The following LRRIQ1 variants were observed in gnomAD, a reference collection of about 807,000 sequenced individuals.
LRRIQ1 encodes leucine-rich repeat- and IQ domain-containing protein 1.
Under a neutral mutation model 211.9 loss-of-function variants are expected in LRRIQ1, and 210 were observed. The ratio of observed to expected loss-of-function variants is 0.99; its 90% CI spans 0.89 to 1.11. The LOEUF is 1.11. Among genes scored for constraint, LRRIQ1 ranks in the 50% most tolerant of loss-of-function variants. The pLI is 0.00. For missense variants in LRRIQ1, 2,136 were observed against 1,939.5 expected (o/e 1.10, Z -1.90); for synonymous variants, 699 against 650.1 (o/e 1.08, Z -1.14).
chr12:85,234,195 C>T (rs2137212775), intron 26 of LRRIQ1, among the ~76,000 whole-genome samples: 1 of 152,198 alleles, frequency 6.6e-6, no homozygotes, highest in Non-Finnish European at 1.5e-5. Flanking sequence ...TGAGATTGCA[C>T]AACTGTACTC....
At chr12:85,099,453 T>A (rs1218765860) in intron 13 of LRRIQ1, among the ~76,000 whole-genome samples, 3 of 151,830 alleles carry the variant, frequency 2.0e-5, no homozygotes, top group African/African-American at 7.2e-5. Flanking sequence ...TTGTTTTCCC[T>A]AAGGATATAA....
At chr12:85,237,315 G>A (rs931954263) in intron 26 of LRRIQ1, among the ~76,000 whole-genome samples, 1 of 152,012 alleles carries the variant, frequency 6.6e-6, no homozygotes, top group African/African-American at 2.4e-5. Context: ...AACACTTTCT[G>A]GACTACAGCA....
At position 85,047,295 on chromosome 12, in the gene LRRIQ1, G is replaced by T; in HGVS notation, c.503G>T (p.Arg168Ile). 8.7e-6 allele frequency: 14 copies of T among 1,607,596 alleles called. No homozygotes were observed. Among genetic ancestry groups the T allele is most frequent in the Non-Finnish European group, 1.2e-5 (14 of 1,178,376 alleles). The change falls in exon 6 of 27, where the codon AGA (arginine) becomes ATA (isoleucine). Residue 168 changes from arginine (R) to isoleucine (I), a missense_variant. Physicochemically the swap from Arg to Ile is moderately conservative, Grantham distance 97. Coordinates refer to ENST00000393217, the MANE Select transcript of LRRIQ1 (RefSeq NM_001079910.2). ...TACTGTGAAGTGGAAGAAAAATGTA[G>T]ACAGTCTTTTGAGGCTTGGCAAGAG... ...FGYCEVEEKC[R>I]QSFEAWQEKQ...
rs1890076499 is a variant in LRRIQ1 at position 85,149,108 on chromosome 12, C to T, written c.4330-3172C>T. 2.6e-5 allele frequency among the ~76,000 whole-genome samples: 4 copies of T among 151,950 alleles called. No homozygotes were observed. The South Asian group carries it at 6.2e-4, about 24-fold the overall frequency. ...TCTGCCATTCTGTAGGTTGCCTGTT[C>T]ACTCTGATGATAGTTTCTTTTGCTG... On this transcript the variant is annotated intron_variant, in intron 19 of 26. Transcript: ENST00000393217.
chr12:85,103,326 C>A (rs1277009043), intron 13 of LRRIQ1, among the ~76,000 whole-genome samples: 4 of 151,106 alleles, frequency 2.6e-5, no homozygotes. Flanking sequence ...GTGTTTTGGC[C>A]AAGTTTAAGT....
At chr12:85,071,028 T>C (rs902085484) in intron 10 of LRRIQ1, among the ~76,000 whole-genome samples, 1 of 151,994 alleles carries the variant, frequency 6.6e-6, no homozygotes, top group African/African-American at 2.4e-5. Flanking sequence ...TAAATTAATT[T>C]GATAAATTAA....
At chr12:85,145,025 T>C (rs1043398317) in intron 19 of LRRIQ1, among the ~76,000 whole-genome samples, 5 of 151,708 alleles carry the variant, frequency 3.3e-5, no homozygotes, top group Admixed American at 6.6e-5. Flanking sequence ...CTTTTTTCAC[T>C]GATTTAGTTG....
At position 85,047,542 on chromosome 12, in the gene LRRIQ1, G is replaced by A. The variant is rs73180553; in HGVS notation, c.678+72G>A. On this transcript the variant is annotated intron_variant, in intron 6 of 26. Transcript: ENST00000393217. The stretch of plus-strand genomic sequence containing the variant: ...TCTGAAGAATATTGATATTTGGATT[G>A]TGTTGCAGATTGAGCTTAATAGTAT... 5 of 1,308,066 alleles carry A rather than the reference G, an allele frequency of 3.8e-6. No homozygotes were observed. The South Asian group carries it at 5.1e-5, about 13-fold the overall frequency. The allele number at this position is 1,308,066 out of a possible 1,614,324, so 81.0% of individuals were successfully genotyped here. A position where few individuals can be genotyped will look rare whatever the true frequency, so the allele number is the denominator to read the frequency against.
At chr12:85,166,243 G>A (rs1005279158) in intron 24 of LRRIQ1, among the ~76,000 whole-genome samples, 1 of 152,118 alleles carries the variant, frequency 6.6e-6, no homozygotes, top group African/African-American at 2.4e-5. Flanking sequence ...ATTTAGTCTG[G>A]CGCAACAACT....
intron 19 of LRRIQ1, among the ~76,000 whole-genome samples, chr12:85,150,780 C>T (rs12310866): frequency 0.089 from 9,906 of 111,262 alleles, 1,072 homozygotes; most frequent in African/African-American, 0.31. Context: ...TTTCCAATAA[C>T]GCATTTTTTT....
intron 23 of LRRIQ1, among the ~76,000 whole-genome samples, chr12:85,154,877 T>C (rs1193670456): frequency 1.3e-5 from 2 of 151,266 alleles, no homozygotes; most frequent in African/African-American, 2.4e-5. Context: ...CAGTTACTCA[T>C]GAGCAGTGCA....
intron 12 of LRRIQ1, 123 bp downstream of exon 12, chr12:85,098,671 C>T (rs1339896304): frequency 4.9e-6 from 4 of 822,028 alleles, no homozygotes; most frequent in East Asian, 2.8e-5. Flanking sequence ...CATGAAGTAA[C>T]CTTTATCAAG....
chr12:85,165,697 G>A lies in LRRIQ1; in HGVS notation c.4822+4983G>A, dbSNP rs147170818. Among the ~76,000 whole-genome samples the A allele has an allele frequency of 2.5e-3, 380 of 152,004 alleles. 3 individuals are homozygous for A. The highest frequency in any genetic ancestry group is 8.7e-3 in the African/African-American group (360 of 41,488). On this transcript the variant is annotated intron_variant, in intron 24 of 26. Transcript: ENST00000393217. ...ACCGTGTTGCCCAGGTTGGTCTCCT[G>A]AGCTCAGGCAATCCACCCGCCTTGG...
At chr12:85,195,359 A>G (rs1442333679) in intron 24 of LRRIQ1, among the ~76,000 whole-genome samples, 1 of 150,258 alleles carries the variant, frequency 6.7e-6, no homozygotes, top group Non-Finnish European at 1.5e-5. Context: ...AGCCAGGCAG[A>G]CACACAACAA....
chr12:85,169,473 C>T (rs1310951466), intron 24 of LRRIQ1, among the ~76,000 whole-genome samples: 3 of 152,086 alleles, frequency 2.0e-5, no homozygotes, highest in Admixed American at 2.0e-4. Context: ...AAAAGCTGGA[C>T]TTGATATTAA....
intron 26 of LRRIQ1, among the ~76,000 whole-genome samples, chr12:85,240,026 GA>G (rs1276140879): frequency 6.6e-6 from 1 of 151,952 alleles, no homozygotes; most frequent in Non-Finnish European, 1.5e-5. Flanking sequence ...ACCTATTGAA[GA>G]AAACAGTAAG....
chr12:85,236,829 G>GTATATATATATATATATATA (rs1565921248), intron 26 of LRRIQ1, among the ~76,000 whole-genome samples: 37 of 60,464 alleles, frequency 6.1e-4, no homozygotes, highest in African/African-American at 5.6e-3. Flanking sequence ...GTGTATGTGT[G>GTATATATATATATATATATA]CATATATATA....
intron 24 of LRRIQ1, among the ~76,000 whole-genome samples, chr12:85,177,901 T>A (rs1891792371): frequency 6.6e-6 from 1 of 151,932 alleles, no homozygotes; most frequent in Non-Finnish European, 1.5e-5. Flanking sequence ...ATATGGAGAT[T>A]TAGGTGGAAA....
chr12:85,168,690 C>T (rs1891269784), intron 24 of LRRIQ1, among the ~76,000 whole-genome samples: 1 of 152,126 alleles, frequency 6.6e-6, no homozygotes, highest in Non-Finnish European at 1.5e-5. Context: ...ATATTGGACA[C>T]TGATTCAGGG....
Sources: gnomAD v4.1 joint callset for allele counts (sites outside exome capture counted in the v4.1 genomes callset) on GRCh38, gnomAD v4.1.1 for gene constraint, MANE v1.5 for transcripts, NCBI Gene and HGNC (gene_info 2026-07-23, HGNC 2026-07-21) for gene names.